Variants in BBS9 observed in about 807,000 individuals in gnomAD.
The protein encoded by BBS9 is protein PTHB1.
Under a neutral mutation model 117.7 loss-of-function variants are expected in BBS9, and 89 were observed. That is an observed-to-expected ratio of 0.76 (90% CI 0.64 to 0.90). The LOEUF (loss-of-function observed/expected upper bound fraction) is 0.90, where lower values mean the gene tolerates loss of function less well. Among genes scored for constraint, BBS9 ranks in the 40% least tolerant of loss-of-function variants. BBS9 has a pLI of 0.00. For synonymous variants in BBS9, 379 were observed against 370.9 expected (o/e 1.02, Z -0.25); for missense variants, 982 against 1,042.2 (o/e 0.94, Z 0.80).
chr7:33,320,805 T>G (rs1811550906), intron 9 of BBS9, among the ~76,000 whole-genome samples: 1 of 152,090 alleles, frequency 6.6e-6, no homozygotes, highest in Non-Finnish European at 1.5e-5. Context: ...GGATTATATC[T>G]CGTTGTAGTC....
At chr7:33,190,037 A>G (rs1470476425) in intron 5 of BBS9, among the ~76,000 whole-genome samples, 1 of 151,128 alleles carries the variant, frequency 6.6e-6, no homozygotes, top group East Asian at 2.0e-4. Context: ...TTCAATTTTT[A>G]TCTTTATCAA....
chr7:33,252,781 C>A (rs1408411994), intron 5 of BBS9, among the ~76,000 whole-genome samples: 4 of 151,894 alleles, frequency 2.6e-5, no homozygotes, highest in Non-Finnish European at 1.5e-5. Context: ...AGGTCAAGGT[C>A]ATTGCATAAA....
chr7:33,548,534 T>C (rs1026784078), intron 21 of BBS9, among the ~76,000 whole-genome samples: 1 of 128,852 alleles, frequency 7.8e-6, no homozygotes, highest in Admixed American at 9.2e-5. Flanking sequence ...AGTGTGATAT[T>C]CCCCTTCCTG....
chr7:33,273,919 C>G lies in BBS9; in HGVS notation c.979C>G (p.Pro327Ala). The G allele has an allele frequency of 6.2e-7, 1 of 1,613,552 alleles. No homozygotes were observed. Among genetic ancestry groups the G allele is most frequent in the South Asian group, 1.1e-5 (1 of 91,064 alleles). Residue 327 changes from proline to alanine, a missense_variant, in exon 9 of 23, where the codon CCC (proline) becomes GCC (alanine). Coordinates refer to ENST00000242067, the MANE Select transcript of BBS9 (RefSeq NM_198428.3). ...DVTLKWATQLPHIPVAVRVGC... is the reference protein window; with the variant it reads ...DVTLKWATQLAHIPVAVRVGC... ...GACACTGAAGTGGGCCACCCAACTT[C>G]CCCACATTCCTGTAGCAGTAAGAGT...
downstream of BBS9, among the ~76,000 whole-genome samples, chr7:33,610,322 C>T (rs181844508): frequency 6.6e-6 from 1 of 152,128 alleles, no homozygotes. Context: ...CAGAATACCA[C>T]AGACTGGGTA....
chr7:33,242,307 G>T (rs1794662781), intron 5 of BBS9, among the ~76,000 whole-genome samples: 1 of 151,998 alleles, frequency 6.6e-6, no homozygotes. Context: ...TTACAGTAGA[G>T]GTAGAGCTCT....
chr7:33,369,755 T>C (rs1822506858), intron 17 of BBS9, among the ~76,000 whole-genome samples: 3 of 152,310 alleles, frequency 2.0e-5, no homozygotes, highest in African/African-American at 4.8e-5. Flanking sequence ...AGAGTATTCA[T>C]TCCTAAGAAA....
At chr7:33,198,103 A>C (rs1785230841) in intron 5 of BBS9, among the ~76,000 whole-genome samples, 1 of 151,994 alleles carries the variant, frequency 6.6e-6, no homozygotes, top group South Asian at 2.1e-4. Context: ...CTGGATTTTA[A>C]AATCAAATTT....
chr7:33,173,071 A>G (rs75571081), intron 4 of BBS9, among the ~76,000 whole-genome samples: 2,699 of 152,292 alleles, frequency 0.018, 97 homozygotes, highest in African/African-American at 0.062. Context: ...GGTGTTCTTA[A>G]TTTAGCTACT....
intron 17 of BBS9, among the ~76,000 whole-genome samples, chr7:33,372,250 A>G (rs896046130): frequency 2.6e-5 from 4 of 152,166 alleles, no homozygotes; most frequent in Non-Finnish European, 5.9e-5. Flanking sequence ...ACCAATGGGG[A>G]CAAAGATTTC....
At chr7:33,238,878 TTCTGTGGTATA>T (rs1471745329) in intron 5 of BBS9, among the ~76,000 whole-genome samples, 1 of 152,184 alleles carries the variant, frequency 6.6e-6, no homozygotes, top group Non-Finnish European at 1.5e-5. Context: ...TCGTAAAGAA[TTCTGTGGTATA>T]CCCCTATTAG....
chr7:33,329,042 C>T (rs370018114), intron 9 of BBS9, among the ~76,000 whole-genome samples: 9 of 119,186 alleles, frequency 7.6e-5, no homozygotes, highest in South Asian at 2.6e-4. Context: ...TATTTAGAAA[C>T]GGAGTTTCGC....
At chr7:33,329,112 C>G (rs1045561349) in intron 9 of BBS9, among the ~76,000 whole-genome samples, 5 of 152,014 alleles carry the variant, frequency 3.3e-5, no homozygotes, top group African/African-American at 1.2e-4. Context: ...CCTCCGCCTC[C>G]CGGATTCAAG....
At chr7:33,450,487 A>C (rs1396828687) in intron 19 of BBS9, among the ~76,000 whole-genome samples, 2 of 152,144 alleles carry the variant, frequency 1.3e-5, no homozygotes, top group African/African-American at 4.8e-5. Context: ...TTACATTCTT[A>C]CCAACAGTGC....
rs759840530 is a variant in BBS9, at chr7:33,340,938, T to A, written c.1240T>A (p.Ser414Thr). The change falls in exon 11 of 23, where the codon TCT becomes ACT. Residue 414 changes from serine to threonine, a missense_variant. Coordinates refer to ENST00000242067, the MANE Select transcript of BBS9 (RefSeq NM_198428.3). ...TGAGAGAGAAGATGACTTGAACGTT[T>A]CTGTCGTGGTTTCTCCTAACTTTGA... ...MTEREDDLNVSVVVSPNFDSV... is the reference protein window; with the variant it reads ...MTEREDDLNVTVVVSPNFDSV... 6.2e-7 allele frequency: 1 copy of A among 1,613,724 alleles called. No individual in the cohort carries two copies. The highest frequency in any genetic ancestry group is 8.5e-7 in the Non-Finnish European group (1 of 1,179,696).
At chr7:33,167,826 A>G (rs927205549) in intron 4 of BBS9, among the ~76,000 whole-genome samples, 3 of 152,152 alleles carry the variant, frequency 2.0e-5, no homozygotes, top group African/African-American at 7.2e-5. Flanking sequence ...ACCATACTCT[A>G]GGATTTTGGA....
At chr7:33,616,912 C>G (rs1411934386) in intron 21 of BBS9, among the ~76,000 whole-genome samples, 3 of 151,894 alleles carry the variant, frequency 2.0e-5, no homozygotes, top group African/African-American at 7.3e-5. Flanking sequence ...CTTGCTATGT[C>G]CATGTGTACA....
At chr7:33,278,105 G>A (rs563152654) in intron 9 of BBS9, among the ~76,000 whole-genome samples, 2 of 152,188 alleles carry the variant, frequency 1.3e-5, no homozygotes, top group Non-Finnish European at 2.9e-5. Flanking sequence ...AGGCTAGAGG[G>A]ATGTAGGTTA....
intron 19 of BBS9, among the ~76,000 whole-genome samples, chr7:33,406,317 T>C (rs1419893794): frequency 6.6e-6 from 1 of 152,208 alleles, no homozygotes; most frequent in African/African-American, 2.4e-5. Flanking sequence ...ATATATATTC[T>C]GTTGATTTGG....
Sources: gnomAD v4.1 joint callset for allele counts (sites outside exome capture counted in the v4.1 genomes callset) on GRCh38, gnomAD v4.1.1 for gene constraint, MANE v1.5 for transcripts, NCBI Gene and HGNC (gene_info 2026-07-23, HGNC 2026-07-21) for gene names.